Variants in GCA observed in about 807,000 individuals in gnomAD.
GCA encodes the protein grancalcin, also known as grancalcin, EF-hand calcium-binding protein.
In GCA, 30 loss-of-function variants were observed where a neutral mutation model predicts 32.6. That is an observed-to-expected ratio of 0.92 (90% CI 0.69 to 1.25). The LOEUF is 1.25. GCA is among the 50% of genes most tolerant of loss of function. The probability of loss-of-function intolerance (pLI) is 0.00; values close to 1 mark genes in which losing one functional copy is unlikely to be tolerated. For synonymous variants in GCA, 102 were observed against 84.6 expected (o/e 1.21, Z -1.13); for missense variants, 291 against 266.8 (o/e 1.09, Z -0.63).
In GCA at chr2:162,361,085, T is replaced by C. The variant is rs886572014; in HGVS notation, c.*842T>C. 3 of 951,252 alleles carry C rather than the reference T, an allele frequency of 3.2e-6. No individual in the cohort carries two copies. The highest frequency in any genetic ancestry group is 1.8e-5 in the African/African-American group (1 of 57,056). The allele number at this position is 951,252 out of a possible 1,614,324, so 58.9% of individuals were successfully genotyped here. On this transcript the variant is annotated 3_prime_UTR_variant, in exon 8 of 8. Coordinates refer to ENST00000437150, the MANE Select transcript of GCA (RefSeq NM_012198.5). ...TTGTTTAAATGTAATGTCAACTCTT[T>C]ATAAACTTAAAAATAAACAAGTAAT...
At chr2:162,322,640 G>A (rs548672522) in intron 1 of GCA, among the ~76,000 whole-genome samples, 2 of 142,508 alleles carry the variant, frequency 1.4e-5, no homozygotes, top group Admixed American at 1.4e-4. Context: ...TCCCACCTAT[G>A]AGTGAGAATA....
chr2:162,365,723 G>C (rs1261181698), downstream of GCA, among the ~76,000 whole-genome samples: 1 of 151,544 alleles, frequency 6.6e-6, no homozygotes, highest in African/African-American at 2.4e-5. Flanking sequence ...GCAAATTTCA[G>C]CTAAAAAGCG....
chr2:162,333,092 G>T (rs2105278205), intron 1 of GCA, among the ~76,000 whole-genome samples: 1 of 152,168 alleles, frequency 6.6e-6, no homozygotes, highest in East Asian at 1.9e-4. Flanking sequence ...CACCCAAAAA[G>T]TTGCAAGATT....
intron 1 of GCA, among the ~76,000 whole-genome samples, chr2:162,330,480 A>G (rs1684037473): frequency 6.6e-6 from 1 of 152,218 alleles, no homozygotes; most frequent in Admixed American, 6.5e-5. Flanking sequence ...CAGTTGTTTT[A>G]TGTACCTGAA....
At chr2:162,348,325 TA>T (rs1007497933) in intron 2 of GCA, among the ~76,000 whole-genome samples, 1 of 151,900 alleles carries the variant, frequency 6.6e-6, no homozygotes, top group Admixed American at 6.6e-5. Flanking sequence ...TCCCATTTTT[TA>T]AAAAAAACTC....
At chr2:162,345,602 A>G in intron 1 of GCA, among the ~76,000 whole-genome samples, 1 of 152,194 alleles carries the variant, frequency 6.6e-6, no homozygotes. Flanking sequence ...GAACGTCTGT[A>G]TGTGTTTTGA....
At chr2:162,363,743 G>C (rs556237445), downstream of GCA, among the ~76,000 whole-genome samples, 1 of 151,338 alleles carries the variant, frequency 6.6e-6, no homozygotes, top group Non-Finnish European at 1.5e-5. Flanking sequence ...CTTTCTACTT[G>C]TTTTTAAAAA....
At chr2:162,345,963 A>T (rs943764206) in intron 1 of GCA, among the ~76,000 whole-genome samples, 2 of 152,164 alleles carry the variant, frequency 1.3e-5, no homozygotes, top group African/African-American at 4.8e-5. Flanking sequence ...CTTTTATCTA[A>T]TTAAGTGCAT....
At chr2:162,353,634 G>T (rs972773627) in intron 3 of GCA, among the ~76,000 whole-genome samples, 1 of 152,214 alleles carries the variant, frequency 6.6e-6, no homozygotes, top group African/African-American at 2.4e-5. Flanking sequence ...AGCGTCCCTT[G>T]TTGCATTATC....
At chr2:162,326,328 A>T (rs921910239) in intron 1 of GCA, among the ~76,000 whole-genome samples, 4 of 152,108 alleles carry the variant, frequency 2.6e-5, no homozygotes, top group Non-Finnish European at 5.9e-5. Flanking sequence ...CCTTCCTGTA[A>T]ATCATAATTT....
rs944502466 is a variant in GCA, at chr2:162,322,346, C to G, written c.-31+3121C>G. Among the ~76,000 whole-genome samples, 133 of 151,600 alleles carry G rather than the reference C, an allele frequency of 8.8e-4. 7 individuals are homozygous for G. Among genetic ancestry groups the G allele is most frequent in the African/African-American group, 3.1e-3 (128 of 41,160 alleles). ...GCAAATGTTTTTGTGAAAAACAGTA[C>G]TTTTACCTCAAAGGCTAGATTGTAA... On this transcript the variant is annotated intron_variant, in intron 1 of 4. Transcript: ENST00000429691.
chr2:162,321,911 T>C (rs200187477), intron 1 of GCA, among the ~76,000 whole-genome samples: 1 of 105,014 alleles, frequency 9.5e-6, no homozygotes, highest in Admixed American at 1.3e-4. Flanking sequence ...TATATATATA[T>C]ATATATATAT....
chr2:162,324,631 A>G (rs776318902), intron 1 of GCA, among the ~76,000 whole-genome samples: 132 of 152,048 alleles, frequency 8.7e-4, no homozygotes, highest in Non-Finnish European at 1.5e-3. Context: ...GTCTTGGGAA[A>G]TGCAACATTT....
Position 162,356,768 on chromosome 2 carries a change from C to T in GCA, c.317C>T (p.Thr106Ile), listed in dbSNP as rs780108109. 6.2e-7 allele frequency: 1 copy of T among 1,604,110 alleles called. No homozygotes were observed. Among genetic ancestry groups the T allele is most frequent in the Non-Finnish European group, 8.5e-7 (1 of 1,173,788 alleles). Reference sequence around the variant, plus strand: ...TAATAAAACTATCAGAGAGATCACACAGGAAAAATGGGATTTAATGCATTC... The same window carrying T: ...TAATAAAACTATCAGAGAGATCACATAGGAAAAATGGGATTTAATGCATTC... ...IMIAMLDRDH[T>I]GKMGFNAFKE... The change falls in exon 5 of 8, where the codon ACA becomes ATA. Residue 106 changes from threonine to isoleucine, a missense_variant. Transcript: ENST00000437150.
In GCA at chr2:162,361,066, A is replaced by T; in HGVS notation, c.*823A>T. On this transcript the variant is annotated 3_prime_UTR_variant, in exon 8 of 8. Transcript: ENST00000437150. ...AATTGTCCTAATTAAATTGTTGTTT[A>T]AATGTAATGTCAACTCTTTATAAAC... is the stretch of plus-strand genomic sequence containing the variant. 1 of 949,620 alleles carries T rather than the reference A, an allele frequency of 1.1e-6. No individual in the cohort carries two copies. The highest frequency in any genetic ancestry group is 1.3e-6 in the Non-Finnish European group (1 of 787,816). The allele number at this position is 949,620 out of a possible 1,614,324, so 58.8% of individuals were successfully genotyped here.
chr2:162,345,093 A>ATGGGGGTGGTGGTGG (rs1684618698), intron 1 of GCA, among the ~76,000 whole-genome samples: 1 of 109,346 alleles, frequency 9.1e-6, no homozygotes, highest in Non-Finnish European at 1.9e-5. Flanking sequence ...CTTGGAGTTC[A>ATGGGGGTGGTGGTGG]TGGTGGTGGT....
At chr2:162,371,093 A>G (rs1217844492) in intron 4 of GCA, among the ~76,000 whole-genome samples, 3 of 152,162 alleles carry the variant, frequency 2.0e-5, no homozygotes, top group Admixed American at 2.0e-4. Context: ...CCCCGCCTCC[A>G]GAAAAAAAGC....
At chr2:162,372,932 T>A (rs567152242), downstream of GCA, among the ~76,000 whole-genome samples, 6 of 152,182 alleles carry the variant, frequency 3.9e-5, no homozygotes, top group South Asian at 1.0e-3. Context: ...AGTAAAAAAA[T>A]TTAGAGATCT....
upstream of GCA, chr2:162,344,096 G>A: frequency 1.3e-6 from 1 of 755,638 alleles, no homozygotes; most frequent in South Asian, 1.7e-5. Flanking sequence ...CTGGCCTGCG[G>A]AAGGGGGCGG....
Sources: gnomAD v4.1 joint callset for allele counts (sites outside exome capture counted in the v4.1 genomes callset) on GRCh38, gnomAD v4.1.1 for gene constraint, MANE v1.5 for transcripts, NCBI Gene and HGNC (gene_info 2026-07-23, HGNC 2026-07-21) for gene names.